Variants in ARID5B observed in about 807,000 individuals in gnomAD.
The protein encoded by ARID5B is AT-rich interactive domain-containing protein 5B.
In ARID5B, 13 loss-of-function variants were observed where a neutral mutation model predicts 97.2. The observed-to-expected ratio is 0.13, with a 90% CI of 0.09 to 0.21. ARID5B has a LOEUF of 0.21. ARID5B is among the 10% of genes least tolerant of loss of function. The pLI, the probability that ARID5B is intolerant of heterozygous loss-of-function variation, is 1.00. For missense variants in ARID5B, 1,210 were observed against 1,465.3 expected (o/e 0.83, Z 2.84); for synonymous variants, 556 against 570.3 (o/e 0.97, Z 0.36).
At chr10:61,918,564 A>C (rs1488047983) in intron 2 of ARID5B, among the ~76,000 whole-genome samples, 1 of 152,162 alleles carries the variant, frequency 6.6e-6, no homozygotes, top group African/African-American at 2.4e-5. Context: ...TATTTGAAAA[A>C]CAGGAACTAA....
intron 2 of ARID5B, among the ~76,000 whole-genome samples, chr10:61,910,436 T>C (rs1320263040): frequency 6.6e-6 from 1 of 152,228 alleles, no homozygotes; most frequent in Non-Finnish European, 1.5e-5. Flanking sequence ...TTTAAGGAAA[T>C]TTAAAACAAA....
At chr10:62,059,343 T>C in intron 7 of ARID5B, 48 bp downstream of exon 7, 5 of 1,551,040 alleles carry the variant, frequency 3.2e-6, no homozygotes, top group Non-Finnish European at 4.4e-6. Context: ...ATCTAACTTT[T>C]CCCCTCTCTT....
chr10:62,008,061 A>ACAC, intron 4 of ARID5B, among the ~76,000 whole-genome samples: 1 of 66,610 alleles, frequency 1.5e-5, no homozygotes, highest in African/African-American at 5.5e-5. Flanking sequence ...CCCGCCCCAC[A>ACAC]ACACACACAC....
intron 2 of ARID5B, among the ~76,000 whole-genome samples, chr10:61,927,807 A>G (rs536066077): frequency 6.6e-5 from 10 of 152,354 alleles, no homozygotes; most frequent in African/African-American, 2.4e-4. Flanking sequence ...TTTCAGAGAA[A>G]ATAAAGGATA....
intron 2 of ARID5B, 124 bp downstream of exon 2, chr10:61,902,537 T>A (rs926953344): frequency 4.9e-5 from 66 of 1,338,072 alleles, no homozygotes; most frequent in Non-Finnish European, 6.2e-5. Flanking sequence ...ACTCCTTTTT[T>A]AAAGGGGTAG....
At chr10:61,963,136 C>T (rs4245595) in intron 3 of ARID5B, among the ~76,000 whole-genome samples, 104,584 of 152,026 alleles carry the variant, frequency 0.69, 36,400 homozygotes, top group African/African-American at 0.77. Context: ...TGACATGTGT[C>T]TCAACAAATA....
At chr10:61,905,960 G>A (rs891177667) in intron 2 of ARID5B, among the ~76,000 whole-genome samples, 1 of 152,150 alleles carries the variant, frequency 6.6e-6, no homozygotes, top group Non-Finnish European at 1.5e-5. Context: ...CGCAACTGGT[G>A]TTGAGGAAAA....
chr10:61,904,305 T>C (rs1162768554), intron 2 of ARID5B, among the ~76,000 whole-genome samples: 1 of 152,088 alleles, frequency 6.6e-6, no homozygotes, highest in Non-Finnish European at 1.5e-5. Context: ...ATTGGGATGT[T>C]TTTTAAAGAC....
At chr10:61,955,695 G>A (rs538741221) in intron 3 of ARID5B, among the ~76,000 whole-genome samples, 17 of 152,264 alleles carry the variant, frequency 1.1e-4, no homozygotes, top group African/African-American at 4.1e-4. Context: ...CTGTCACCCA[G>A]GCTGGAGTGC....
chr10:62,079,979 A>G (rs1840190173), intron 8 of ARID5B, among the ~76,000 whole-genome samples: 1 of 152,146 alleles, frequency 6.6e-6, no homozygotes, highest in Non-Finnish European at 1.5e-5. Flanking sequence ...TGCTAGTTAT[A>G]CCTACCTCAT....
chr10:61,993,385 T>A (rs1392704640), intron 3 of ARID5B, among the ~76,000 whole-genome samples: 1 of 152,254 alleles, frequency 6.6e-6, no homozygotes, highest in African/African-American at 2.4e-5. Flanking sequence ...TATTTAGTCA[T>A]ATGCTCTGCT....
rs748401789 is a variant in ARID5B at position 62,091,652 on chromosome 10, C to G, written c.2189C>G (p.Ser730Cys). Residue 730 changes from serine (S) to cysteine (C), a missense_variant, in exon 10 of 10, where the codon TCC becomes TGC. Coordinates refer to ENST00000279873, the MANE Select transcript of ARID5B (RefSeq NM_032199.3). ...CTGATTGCTAGGGATGACTTGTGTT[C>G]CAGTTTGTCCCAGACCCACCATGGC... The part of the protein sequence containing the change: ...KKLIARDDLC[S>C]SLSQTHHGQS... 1 of 1,614,020 alleles carries G rather than the reference C, an allele frequency of 6.2e-7. No homozygotes were observed. The highest frequency in any genetic ancestry group is 8.5e-7 in the Non-Finnish European group (1 of 1,180,026).
At chr10:61,952,089 C>G (rs1473512976) in intron 3 of ARID5B, among the ~76,000 whole-genome samples, 1 of 152,110 alleles carries the variant, frequency 6.6e-6, no homozygotes, top group African/African-American at 2.4e-5. Flanking sequence ...CGTTAAGACA[C>G]CTATCCCCTA....
chr10:62,039,883 G>A (rs549155598), intron 4 of ARID5B, among the ~76,000 whole-genome samples: 239 of 152,332 alleles, frequency 1.6e-3, no homozygotes, highest in African/African-American at 5.5e-3. Flanking sequence ...CCTGCATTTA[G>A]GCCTGACTGT....
intron 8 of ARID5B, among the ~76,000 whole-genome samples, chr10:62,075,183 A>G (rs187434168): frequency 2.0e-5 from 3 of 152,354 alleles, no homozygotes; most frequent in Non-Finnish European, 2.9e-5. Flanking sequence ...CGGGCCAGAG[A>G]GCCCAAAGGG....
Position 61,909,474 on chromosome 10 carries a change from A to C in ARID5B, c.276+7061A>C, listed in dbSNP as rs568259659. Among the ~76,000 whole-genome samples, 1,173 of 151,990 alleles carry C rather than the reference A, an allele frequency of 7.7e-3. 4 individuals are homozygous for C. Among genetic ancestry groups the C allele is most frequent in the Non-Finnish European group, 0.013 (907 of 67,932 alleles). On this transcript the variant is annotated intron_variant, in intron 2 of 9. Transcript: ENST00000279873. ...CAGAGTAGCTGGGACTACAGGCGCC[A>C]GCCACCGCGGCCGGCTAATTTTTTG...
At chr10:61,930,521 C>A (rs1057310876) in intron 2 of ARID5B, among the ~76,000 whole-genome samples, 2 of 151,778 alleles carry the variant, frequency 1.3e-5, no homozygotes, top group Non-Finnish European at 2.9e-5. Context: ...GAGATCGAGA[C>A]CATCCTGGCT....
intron 4 of ARID5B, among the ~76,000 whole-genome samples, chr10:62,005,015 C>A (rs1839128393): frequency 6.6e-6 from 1 of 152,150 alleles, no homozygotes; most frequent in Non-Finnish European, 1.5e-5. Context: ...GTTTGAATTG[C>A]AAAGAAGAAT....
chr10:62,037,445 C>T (rs571142017), intron 4 of ARID5B, among the ~76,000 whole-genome samples: 1 of 152,330 alleles, frequency 6.6e-6, no homozygotes, highest in South Asian at 2.1e-4. Context: ...TTTCAGTTTT[C>T]CCATCTGCGA....
Sources: gnomAD v4.1 joint callset for allele counts (sites outside exome capture counted in the v4.1 genomes callset) on GRCh38, gnomAD v4.1.1 for gene constraint, MANE v1.5 for transcripts, NCBI Gene and HGNC (gene_info 2026-07-23, HGNC 2026-07-21) for gene names.